The following NWD2 variants were observed in gnomAD, a reference collection of about 807,000 sequenced individuals.
The protein encoded by NWD2 is NACHT and WD repeat domain containing 2.
A neutral mutation model predicts 132.7 loss-of-function variants in NWD2; 37 were observed. The ratio of observed to expected loss-of-function variants is 0.28; its 90% CI spans 0.21 to 0.37. NWD2 has a LOEUF of 0.37. Among genes scored for constraint, NWD2 ranks in the 10% least tolerant of loss-of-function variants. NWD2 has a pLI of 1.00. For synonymous variants in NWD2, 705 were observed against 803.0 expected, an observed-to-expected ratio of 0.88 and a Z score of 2.06; for missense variants, 1,592 against 2,122.4, an observed-to-expected ratio of 0.75 and a Z score of 4.91.
chr4:37,437,239 A>G (rs1308677220), intron 5 of NWD2, among the ~76,000 whole-genome samples: 1 of 152,098 alleles, frequency 6.6e-6, no homozygotes, highest in Non-Finnish European at 1.5e-5. Flanking sequence ...TCACAATCTG[A>G]GATCAAAGCA....
chr4:37,392,956 G>A (rs1720708617), intron 3 of NWD2, among the ~76,000 whole-genome samples: 3 of 152,130 alleles, frequency 2.0e-5, no homozygotes, highest in African/African-American at 2.4e-5. Context: ...TGTTGTGGAC[G>A]CTTCAGAAAT....
At chr4:37,280,926 C>T (rs1560384147) in intron 1 of NWD2, among the ~76,000 whole-genome samples, 1 of 152,176 alleles carries the variant, frequency 6.6e-6, no homozygotes, top group Admixed American at 6.5e-5. Context: ...TGGCCTGGTG[C>T]TGTGGCTCAC....
At chr4:37,312,942 G>A (rs1370402064) in intron 1 of NWD2, among the ~76,000 whole-genome samples, 3 of 151,244 alleles carry the variant, frequency 2.0e-5, no homozygotes, top group East Asian at 3.9e-4. Context: ...ATTAATTTGT[G>A]TATATTGAAC....
At chr4:37,317,115 A>G (rs1159377132) in intron 1 of NWD2, among the ~76,000 whole-genome samples, 1 of 152,246 alleles carries the variant, frequency 6.6e-6, no homozygotes, top group Non-Finnish European at 1.5e-5. Context: ...ACCTCAAACC[A>G]GTAAGGCTTT....
chr4:37,281,342 C>A (rs1560384274), intron 1 of NWD2, among the ~76,000 whole-genome samples: 1 of 150,822 alleles, frequency 6.6e-6, no homozygotes, highest in Non-Finnish European at 1.5e-5. Context: ...TTAGTAGAAT[C>A]TACATTTTTT....
chr4:37,338,574 A>G (rs1049279375), intron 2 of NWD2, among the ~76,000 whole-genome samples: 3 of 152,228 alleles, frequency 2.0e-5, no homozygotes, highest in African/African-American at 7.2e-5. Flanking sequence ...CGAATCGCCA[A>G]CTAGTTTTAG....
rs1191392845 is a variant in NWD2, at chr4:37,445,575, A to G, written c.3587A>G (p.Glu1196Gly). Residue 1196 changes from glutamate (E) to glycine (G), a missense_variant, in exon 7 of 7, where the codon GAG becomes GGG. Glu to Gly is a moderately conservative substitution (Grantham distance 98, BLOSUM62 -2). Coordinates refer to ENST00000309447, the MANE Select transcript of NWD2 (RefSeq NM_001144990.2). The surrounding 1 kb of genome is among the most constrained non-coding windows in gnomAD (Gnocchi z 4.7). ...RREDSEVVSI[E>G]LSEDQSAVLI... is the part of the protein sequence containing the mutation. ...GAAGACAGTGAGGTGGTCAGCATTG[A>G]GCTTTCAGAAGACCAAAGTGCAGTT... 1 of 1,552,130 alleles carries G rather than the reference A, an allele frequency of 6.4e-7. No homozygotes were observed. The highest frequency in any genetic ancestry group is 1.4e-5 in the African/African-American group (1 of 73,034).
intron 3 of NWD2, among the ~76,000 whole-genome samples, chr4:37,379,364 T>C (rs886566480): frequency 8.6e-6 from 1 of 116,154 alleles, no homozygotes; most frequent in Non-Finnish European, 2.2e-5. Flanking sequence ...TTGTCTGCAC[T>C]TCACAGAACA....
chr4:37,414,771 TG>T (rs1269005850), intron 3 of NWD2, among the ~76,000 whole-genome samples: 2 of 152,248 alleles, frequency 1.3e-5, no homozygotes, highest in African/African-American at 4.8e-5. Flanking sequence ...GGTGGATTAT[TG>T]ATTAATTCAT....
At chr4:37,288,651 A>T (rs1009368794) in intron 1 of NWD2, among the ~76,000 whole-genome samples, 2 of 152,206 alleles carry the variant, frequency 1.3e-5, no homozygotes, top group Non-Finnish European at 2.9e-5. Flanking sequence ...TCTGGGAGAG[A>T]ATTCAGGCTT....
At chr4:37,266,604 G>C (rs1424181685) in intron 1 of NWD2, among the ~76,000 whole-genome samples, 1 of 152,080 alleles carries the variant, frequency 6.6e-6, no homozygotes, top group Non-Finnish European at 1.5e-5. Flanking sequence ...ATTGAAGCTA[G>C]AGATAGGAAA....
rs1314318313 is a variant in NWD2 at position 37,444,691 on chromosome 4, C to G, written c.2703C>G (p.Asn901Lys). The change falls in exon 7 of 7, where the codon AAC (asparagine) becomes AAG (lysine). Residue 901 changes from asparagine (N) to lysine (K), a missense_variant. Asn to Lys is a moderately conservative substitution (Grantham distance 94, BLOSUM62 0). Transcript: ENST00000309447. This position sits in a 1 kb window ranked among gnomAD's most constrained non-coding sequence, Gnocchi z 4.8. ...FLANTLRSIK[N>K]KVTAFPGSLS... is the part of the protein sequence containing the mutation. ...CCAACACCCTCCGCAGCATCAAAAA[C>G]AAGGTCACTGCATTTCCCGGCTCCC... The G allele has an allele frequency of 6.4e-7, 1 of 1,552,204 alleles. No individual in the cohort carries two copies. The highest frequency in any genetic ancestry group is 1.2e-5 in the South Asian group (1 of 84,058).
chr4:37,395,738 C>T (rs1371619373), intron 3 of NWD2, among the ~76,000 whole-genome samples: 1 of 151,664 alleles, frequency 6.6e-6, no homozygotes, highest in Admixed American at 6.6e-5. Flanking sequence ...AGTACTATTT[C>T]TCCGTTTTTC....
In NWD2 at chr4:37,439,393, A is replaced by T; in HGVS notation, c.1296+3A>T. 6.9e-7 allele frequency: 1 copy of T among 1,439,934 alleles called. No homozygotes were observed. Among genetic ancestry groups the T allele is most frequent in the Non-Finnish European group, 9.2e-7 (1 of 1,088,616 alleles). The allele number at this position is 1,439,934 out of a possible 1,614,324, so 89.2% of individuals were successfully genotyped here. A position where few individuals can be genotyped will look rare whatever the true frequency, so the allele number is the denominator to read the frequency against. On this transcript the variant is annotated splice_donor_region_variant and intron_variant, in intron 6 of 6. Coordinates refer to ENST00000309447, the MANE Select transcript of NWD2 (RefSeq NM_001144990.2). This position sits in a 1 kb window ranked among gnomAD's most constrained non-coding sequence, Gnocchi z 4.5. ...TGCTAGCTGAAGTAGCAAAGAAGGTAAAAGCCTATTCTTTCCCGTGTATAT... is the reference window on the plus strand; with the variant it reads ...TGCTAGCTGAAGTAGCAAAGAAGGTTAAAGCCTATTCTTTCCCGTGTATAT...
At chr4:37,321,231 A>G (rs1236964270) in intron 1 of NWD2, among the ~76,000 whole-genome samples, 1 of 152,190 alleles carries the variant, frequency 6.6e-6, no homozygotes, top group Non-Finnish European at 1.5e-5. Flanking sequence ...TGAAGCTCCA[A>G]TCTAGCACGG....
chr4:37,401,717 T>C (rs1333117928), intron 3 of NWD2, among the ~76,000 whole-genome samples: 1 of 152,228 alleles, frequency 6.6e-6, no homozygotes, highest in African/African-American at 2.4e-5. Flanking sequence ...TGAGGCCTTC[T>C]ACTTTCTTTT....
intron 3 of NWD2, among the ~76,000 whole-genome samples, chr4:37,358,866 G>T (rs1719921322): frequency 6.6e-6 from 1 of 152,134 alleles, no homozygotes; most frequent in South Asian, 2.1e-4. Context: ...TTATCAAAGT[G>T]AAGAACACAA....
intron 3 of NWD2, among the ~76,000 whole-genome samples, chr4:37,404,827 G>A (rs530297406): frequency 6.6e-4 from 101 of 152,324 alleles, no homozygotes; most frequent in African/African-American, 2.4e-3. Flanking sequence ...AGTAGCAATA[G>A]AGAGAGGGGA....
chr4:37,259,721 C>CTAG (rs1717590768), intron 1 of NWD2, among the ~76,000 whole-genome samples: 1 of 152,168 alleles, frequency 6.6e-6, no homozygotes. Flanking sequence ...AGATGCAGCC[C>CTAG]TAGAGTTCCC....
Sources: allele counts gnomAD v4.1 joint callset (sites outside exome capture counted in the v4.1 genomes callset), GRCh38; gene constraint gnomAD v4.1.1; non-coding constraint Gnocchi (gnomAD v3.1); transcripts MANE v1.5; gene names NCBI Gene and HGNC (gene_info 2026-07-23, HGNC 2026-07-21).